Variants in PBRM1 observed in about 807,000 individuals in gnomAD.
PBRM1 encodes the protein polybromo 1, also known as protein polybromo-1.
A neutral mutation model predicts 194.5 loss-of-function variants in PBRM1; 27 were observed. The ratio of observed to expected loss-of-function variants is 0.14; its 90% CI spans 0.10 to 0.19. The LOEUF (loss-of-function observed/expected upper bound fraction) is 0.19, where lower values mean the gene tolerates loss of function less well. Among genes scored for constraint, PBRM1 ranks in the 10% least tolerant of loss-of-function variants. The pLI, the probability that PBRM1 is intolerant of heterozygous loss-of-function variation, is 1.00. For missense variants in PBRM1, 1,466 were observed against 2,077.2 expected (o/e 0.71, Z 5.72); for synonymous variants, 655 against 693.2 (o/e 0.94, Z 0.87).
At chr3:52,584,013 A>T (rs2091915421) in intron 20 of PBRM1, among the ~76,000 whole-genome samples, 1 of 152,158 alleles carries the variant, frequency 6.6e-6, no homozygotes, top group Non-Finnish European at 1.5e-5. Context: ...TCTAATTTTT[A>T]AATTTAAAAA....
chr3:52,636,505 C>A (rs1334314546), intron 10 of PBRM1, among the ~76,000 whole-genome samples: 3 of 151,118 alleles, frequency 2.0e-5, no homozygotes, highest in Admixed American at 1.3e-4. Context: ...TGCCTGTAAT[C>A]CCAGCACTTT....
At chr3:52,622,580 T>G (rs888867378) in intron 13 of PBRM1, among the ~76,000 whole-genome samples, 1 of 152,226 alleles carries the variant, frequency 6.6e-6, no homozygotes, top group South Asian at 2.1e-4. Context: ...GGCTCTATTC[T>G]GAATCCCTGA....
chr3:52,547,384 C>G (rs2079811750), downstream of PBRM1: 1 of 233,086 alleles, frequency 4.3e-6, no homozygotes, highest in African/African-American at 2.2e-5. Flanking sequence ...GGTACATTAG[C>G]TGCAGACAGA....
intron 15 of PBRM1, among the ~76,000 whole-genome samples, chr3:52,612,506 C>A (rs921816965): frequency 2.6e-5 from 4 of 151,994 alleles, no homozygotes. Flanking sequence ...GCCTGTCTAA[C>A]CTAGAACTTG....
rs375504471 is a variant in PBRM1 at position 52,581,855 on chromosome 3, C to A, written c.3388-2656G>T. Reference sequence around the variant, plus strand: ...GTTTCACCATGTTGGCCTGGATGGTCGTGATCTCCTGACCTTGTGATCTGC... The same window carrying A: ...GTTTCACCATGTTGGCCTGGATGGTAGTGATCTCCTGACCTTGTGATCTGC... On this transcript the variant is annotated intron_variant, in intron 20 of 29. Coordinates refer to ENST00000296302, the Ensembl canonical transcript of PBRM1. Among the ~76,000 whole-genome samples, 7 of 152,140 alleles carry A rather than the reference C, an allele frequency of 4.6e-5. No individual in the cohort carries two copies. In the East Asian group the frequency reaches 1.4e-3, roughly 30 times the overall value.
At chr3:52,615,934 T>C (rs1213566944) in intron 14 of PBRM1, among the ~76,000 whole-genome samples, 1 of 152,166 alleles carries the variant, frequency 6.6e-6, no homozygotes, top group Non-Finnish European at 1.5e-5. Flanking sequence ...TATCCTTGCT[T>C]AGGGATCTCT....
At chr3:52,550,367 G>C in intron 29 of PBRM1, 54 bp downstream of exon 31, 1 of 915,000 alleles carries the variant, frequency 1.1e-6, no homozygotes, top group Non-Finnish European at 1.6e-6. Flanking sequence ...ACAGCAGTAA[G>C]ACAGCTTTGA....
intron 22 of PBRM1, among the ~76,000 whole-genome samples, chr3:52,565,878 G>A (rs1218361339): frequency 2.0e-5 from 3 of 151,940 alleles, no homozygotes; most frequent in African/African-American, 4.8e-5. Context: ...GTGAAACCCC[G>A]TCTCTACTAA....
chr3:52,651,908 T>C, intron 5 of PBRM1, 98 bp from the exon 7 acceptor site: 1 of 740,620 alleles, frequency 1.4e-6, no homozygotes, highest in Non-Finnish European at 2.3e-6. Flanking sequence ...AAACAACCAG[T>C]GAAGCAGCTT....
intron 17 of PBRM1, among the ~76,000 whole-genome samples, chr3:52,590,222 C>T (rs1178159721): frequency 4.0e-5 from 6 of 151,684 alleles, no homozygotes; most frequent in African/African-American, 9.7e-5. Flanking sequence ...GAGGCCGAGG[C>T]GGGCGGATCA....
intron 14 of PBRM1, 82 bp downstream of exon 16, chr3:52,617,180 G>C: frequency 9.2e-7 from 1 of 1,081,686 alleles, no homozygotes; most frequent in South Asian, 1.6e-5. Flanking sequence ...AGCCTCTAGA[G>C]CTGGTCTCTC....
intron 24 of PBRM1, among the ~76,000 whole-genome samples, chr3:52,562,365 C>T (rs1367047545): frequency 2.0e-5 from 3 of 151,246 alleles, no homozygotes; most frequent in African/African-American, 4.9e-5. Flanking sequence ...GCCAGGAACA[C>T]GTGATTCACT....
chr3:52,613,598 C>G (rs1328763919), intron 15 of PBRM1, among the ~76,000 whole-genome samples: 1 of 152,032 alleles, frequency 6.6e-6, no homozygotes, highest in East Asian at 1.9e-4. Flanking sequence ...CCTGCCTTGG[C>G]CTCCGAACGC....
chr3:52,625,576 T>A (rs1454569831), intron 13 of PBRM1, among the ~76,000 whole-genome samples: 1 of 140,746 alleles, frequency 7.1e-6, no homozygotes, highest in Non-Finnish European at 1.6e-5. Context: ...AATGCTTAAC[T>A]TTTTTTTTTT....
intron 26 of PBRM1, 86 bp downstream of exon 28, chr3:52,558,163 A>T: frequency 1.1e-6 from 1 of 938,062 alleles, no homozygotes; most frequent in Non-Finnish European, 1.6e-6. Flanking sequence ...AAAAGGCAAT[A>T]GACTGTGGCC....
intron 5 of PBRM1, among the ~76,000 whole-genome samples, chr3:52,656,357 T>G (rs2096607046): frequency 6.6e-6 from 1 of 152,112 alleles, no homozygotes; most frequent in Admixed American, 6.6e-5. Flanking sequence ...AGAGAAAGTT[T>G]CCACTCTTAA....
intron 27 of PBRM1, among the ~76,000 whole-genome samples, chr3:52,553,909 A>T (rs540878371): frequency 2.6e-5 from 4 of 151,880 alleles, no homozygotes; most frequent in Non-Finnish European, 5.9e-5. Flanking sequence ...TGATCCGCCC[A>T]CCTCGGCCTC....
intron 24 of PBRM1, 30 bp from the exon 27 acceptor site, chr3:52,561,998 C>G (rs757558230): frequency 1.3e-6 from 2 of 1,555,954 alleles, no homozygotes; most frequent in Non-Finnish European, 1.8e-6. Flanking sequence ...TATGGTGCAT[C>G]AAAACATTAC....
At chr3:52,584,134 T>C (rs1432586952) in intron 20 of PBRM1, among the ~76,000 whole-genome samples, 1 of 152,188 alleles carries the variant, frequency 6.6e-6, no homozygotes, top group East Asian at 1.9e-4. Context: ...TAGAATAATT[T>C]TGTCAAGTTT....
Sources: gnomAD v4.1 joint callset for allele counts (sites outside exome capture counted in the v4.1 genomes callset) on GRCh38, gnomAD v4.1.1 for gene constraint, MANE v1.5 for transcripts, NCBI Gene and HGNC (gene_info 2026-07-23, HGNC 2026-07-21) for gene names.